Variants in ARMC2 observed in about 807,000 individuals in gnomAD.
The protein encoded by ARMC2 is armadillo repeat containing 2.
Under a neutral mutation model 90.3 loss-of-function variants are expected in ARMC2, and 67 were observed. That is an observed-to-expected ratio of 0.74 (90% CI 0.61 to 0.91). ARMC2 has a LOEUF of 0.91. Ranked by LOEUF, ARMC2 falls within the 40% of genes least tolerant of loss-of-function variation. ARMC2 has a pLI of 0.00. For synonymous variants in ARMC2, 393 were observed against 393.0 expected (o/e 1.00, Z 0.00); for missense variants, 920 against 1,030.9 (o/e 0.89, Z 1.47).
intron 17 of ARMC2, among the ~76,000 whole-genome samples, chr6:108,967,854 C>T (rs1426883171): frequency 2.0e-5 from 3 of 152,172 alleles, no homozygotes; most frequent in Non-Finnish European, 4.4e-5. Flanking sequence ...GCTTCTCCCG[C>T]CTCTGTGCCT....
At chr6:109,030,141 T>A in the ARMC2 span, among the ~76,000 whole-genome samples, 1 of 152,244 alleles carries the variant, frequency 6.6e-6, no homozygotes, top group African/African-American at 2.4e-5. Context: ...CACTGTCTAG[T>A]CCTGTGTTAG....
chr6:108,965,371 C>CTTTTTT (rs35328272), intron 17 of ARMC2, among the ~76,000 whole-genome samples: 3 of 126,740 alleles, frequency 2.4e-5, no homozygotes, highest in African/African-American at 5.9e-5. Context: ...TCTTCTATGG[C>CTTTTTT]TTTTTTTTTT....
chr6:108,914,390 G>T (rs1464892332), intron 10 of ARMC2, among the ~76,000 whole-genome samples: 1 of 152,036 alleles, frequency 6.6e-6, no homozygotes, highest in Non-Finnish European at 1.5e-5. Flanking sequence ...CTCCTTTCCT[G>T]ACATTTGTGT....
At chr6:108,916,061 G>A (rs1333708401) in intron 10 of ARMC2, among the ~76,000 whole-genome samples, 1 of 127,776 alleles carries the variant, frequency 7.8e-6, no homozygotes, top group East Asian at 2.2e-4. Flanking sequence ...CAAAGCAGAC[G>A]GACTAATGTT....
the ARMC2 span, among the ~76,000 whole-genome samples, chr6:108,991,082 C>CAACA: frequency 8.0e-5 from 12 of 149,810 alleles, no homozygotes; most frequent in African/African-American, 2.9e-4. Context: ...AAAACAACAA[C>CAACA]AAAAAAAAAC....
At chr6:108,870,328 G>C (rs1776254202) in intron 4 of ARMC2, among the ~76,000 whole-genome samples, 1 of 152,108 alleles carries the variant, frequency 6.6e-6, no homozygotes, top group African/African-American at 2.4e-5. Context: ...TGGCAACACT[G>C]GGTCCCCATT....
chr6:108,957,909 C>T (rs1777711838), intron 13 of ARMC2, among the ~76,000 whole-genome samples: 1 of 152,134 alleles, frequency 6.6e-6, no homozygotes, highest in Non-Finnish European at 1.5e-5. Flanking sequence ...CCAATGGGAA[C>T]TCAGCAACCC....
At chr6:108,896,766 G>T (rs1291076784) in intron 6 of ARMC2, among the ~76,000 whole-genome samples, 1 of 152,196 alleles carries the variant, frequency 6.6e-6, no homozygotes, top group Non-Finnish European at 1.5e-5. Context: ...CAGGTTGATA[G>T]TCATGGTTTC....
At chr6:108,934,907 C>G (rs1030668387) in intron 11 of ARMC2, among the ~76,000 whole-genome samples, 5 of 152,096 alleles carry the variant, frequency 3.3e-5, no homozygotes, top group Non-Finnish European at 7.4e-5. Flanking sequence ...AGGCAATATT[C>G]AGAATACTTT....
the ARMC2 span, among the ~76,000 whole-genome samples, chr6:109,046,185 A>T: frequency 6.9e-6 from 1 of 145,908 alleles, no homozygotes; most frequent in Admixed American, 6.8e-5. Context: ...GCTCACTGCA[A>T]CCTCCCTGCC....
intron 5 of ARMC2, among the ~76,000 whole-genome samples, chr6:108,885,175 A>G (rs1405829044): frequency 6.6e-6 from 1 of 152,126 alleles, no homozygotes; most frequent in Non-Finnish European, 1.5e-5. Context: ...GTGTATATAT[A>G]TATAGAACTT....
At chr6:108,901,872 G>T (rs1283685590) in intron 7 of ARMC2, among the ~76,000 whole-genome samples, 1 of 152,154 alleles carries the variant, frequency 6.6e-6, no homozygotes, top group Non-Finnish European at 1.5e-5. Context: ...CATTTGTCAC[G>T]TCTCTTTCGT....
chr6:108,914,950 A>AT (rs71776577), intron 10 of ARMC2, among the ~76,000 whole-genome samples: 5,499 of 144,464 alleles, frequency 0.038, 290 homozygotes, highest in African/African-American at 0.11. Context: ...CTCAGCAGGC[A>AT]TTTTTTTTTT....
chr6:108,951,722 G>A (rs1054025634), intron 12 of ARMC2, among the ~76,000 whole-genome samples: 25 of 152,236 alleles, frequency 1.6e-4, no homozygotes, highest in African/African-American at 6.0e-4. Context: ...GGGGCCCCTG[G>A]CGTCGCACCT....
At chr6:108,878,286 A>T (rs1385816907) in intron 5 of ARMC2, among the ~76,000 whole-genome samples, 1 of 152,134 alleles carries the variant, frequency 6.6e-6, no homozygotes, top group Non-Finnish European at 1.5e-5. Context: ...CTCAATTAAC[A>T]TTTTTTCATC....
At chr6:108,941,662 G>A (rs987762175) in intron 12 of ARMC2, among the ~76,000 whole-genome samples, 1 of 152,166 alleles carries the variant, frequency 6.6e-6, no homozygotes, top group African/African-American at 2.4e-5. Context: ...GCATTTGTCA[G>A]GTTTGTATAT....
At chr6:109,003,972 G>T in the ARMC2 span, among the ~76,000 whole-genome samples, 1 of 152,044 alleles carries the variant, frequency 6.6e-6, no homozygotes, top group Non-Finnish European at 1.5e-5. Context: ...TGTTTCAAGG[G>T]TTTATTACTG....
At chr6:109,008,695 T>C in the ARMC2 span, 1 of 798,384 alleles carries the variant, frequency 1.3e-6, no homozygotes, top group Non-Finnish European at 1.5e-6. Flanking sequence ...AACTTTCAAA[T>C]GGTTTCCTAT....
intron 2 of ARMC2, 92 bp from the exon 3 acceptor site, chr6:108,858,107 T>A: frequency 1.0e-6 from 1 of 961,598 alleles, no homozygotes; most frequent in Non-Finnish European, 1.5e-6. Context: ...TGCATCCTTT[T>A]ACTTGTTTTT....
Sources: gnomAD v4.1 joint callset for allele counts (sites outside exome capture counted in the v4.1 genomes callset) on GRCh38, gnomAD v4.1.1 for gene constraint, MANE v1.5 for transcripts, NCBI Gene and HGNC (gene_info 2026-07-23, HGNC 2026-07-21) for gene names.